MELK: variants seen among roughly 807,000 people sequenced by gnomAD.
The protein encoded by MELK is pEg3 kinase.
Under a neutral mutation model 85.0 loss-of-function variants are expected in MELK, and 81 were observed. The observed-to-expected ratio is 0.95, with a 90% CI of 0.80 to 1.15. The LOEUF is 1.15. Among genes scored for constraint, MELK ranks in the 50% most tolerant of loss-of-function variants. MELK has a pLI of 0.00. For missense variants in MELK, 754 were observed against 777.5 expected, an observed-to-expected ratio of 0.97 and a Z score of 0.36; for synonymous variants, 252 against 265.0, an observed-to-expected ratio of 0.95 and a Z score of 0.48.
intron 2 of MELK, among the ~76,000 whole-genome samples, chr9:36,583,195 G>C (rs982472226): frequency 6.6e-6 from 1 of 151,860 alleles, no homozygotes; most frequent in Non-Finnish European, 1.5e-5. Context: ...GGATGGTCTC[G>C]ATCTCCTGAC....
At chr9:36,588,848 T>C (rs987138182) in intron 3 of MELK, among the ~76,000 whole-genome samples, 1 of 152,198 alleles carries the variant, frequency 6.6e-6, no homozygotes, top group Non-Finnish European at 1.5e-5. Flanking sequence ...TGAATACCCA[T>C]ATACCTTTCA....
intron 3 of MELK, among the ~76,000 whole-genome samples, chr9:36,588,553 A>G (rs567388893): frequency 6.7e-6 from 1 of 148,308 alleles, no homozygotes; most frequent in South Asian, 2.1e-4. Flanking sequence ...CTAATTTTAT[A>G]TTTTTAGTAG....
intron 6 of MELK, among the ~76,000 whole-genome samples, chr9:36,598,662 A>T (rs1824564112): frequency 2.0e-5 from 3 of 152,146 alleles, no homozygotes. Context: ...TTTTCCCTCT[A>T]AGAAAATAGA....
At chr9:36,665,123 C>T (rs954924228) in intron 13 of MELK, among the ~76,000 whole-genome samples, 6 of 152,054 alleles carry the variant, frequency 3.9e-5, no homozygotes, top group Non-Finnish European at 8.8e-5. Context: ...TGTGTATACA[C>T]TCAGCCTGTA....
At chr9:36,586,553 A>T (rs1822923905) in intron 3 of MELK, among the ~76,000 whole-genome samples, 1 of 152,178 alleles carries the variant, frequency 6.6e-6, no homozygotes, top group African/African-American at 2.4e-5. Context: ...TAATCTAAGA[A>T]AAAAGCATTA....
intron 13 of MELK, among the ~76,000 whole-genome samples, chr9:36,662,423 T>C (rs550892141): frequency 3.0e-4 from 46 of 152,202 alleles, no homozygotes; most frequent in Admixed American, 1.9e-3. Context: ...TTTGTATTTT[T>C]AGTAGAGACA....
chr9:36,647,710 A>C (rs1419770364), intron 11 of MELK, among the ~76,000 whole-genome samples: 1 of 151,788 alleles, frequency 6.6e-6, no homozygotes, highest in African/African-American at 2.4e-5. Context: ...GCTGGTCTCG[A>C]TCTCCTAACT....
intron 2 of MELK, 85 bp downstream of exon 2, chr9:36,581,824 C>A: frequency 9.4e-7 from 1 of 1,061,364 alleles, no homozygotes; most frequent in South Asian, 1.5e-5. Context: ...GCTTTTTCGT[C>A]TAACCCACAC....
Position 36,633,092 on chromosome 9 carries a change from T to C in MELK, c.736-10T>C, listed in dbSNP as rs1266087996. ...ATGTTAATCTCTAGCTACTTTTTAATGGCCACTAGGTGGACCCAAAGAAAC... is the reference window on the plus strand; with the variant it reads ...ATGTTAATCTCTAGCTACTTTTTAACGGCCACTAGGTGGACCCAAAGAAAC... On this transcript the variant is annotated splice_polypyrimidine_tract_variant and intron_variant, in intron 9 of 17. Coordinates refer to ENST00000298048, the MANE Select transcript of MELK (RefSeq NM_014791.4). 4 of 1,582,708 alleles carry C rather than the reference T, an allele frequency of 2.5e-6. No individual in the cohort carries two copies. In the Admixed American group the frequency reaches 5.4e-5, roughly 22 times the overall value.
intron 15 of MELK, among the ~76,000 whole-genome samples, chr9:36,670,538 CTACA>C (rs1459102124): frequency 4.6e-5 from 7 of 151,260 alleles, no homozygotes; most frequent in Admixed American, 6.6e-5. Context: ...AATGTATTAT[CTACA>C]TACATTAAAT....
At position 36,651,765 on chromosome 9, in the gene MELK, C is replaced by G. The variant is rs116620621; in HGVS notation, c.941C>G (p.Thr314Arg). The change falls in exon 12 of 18, where the codon ACG becomes AGG. Residue 314 changes from threonine (T) to arginine (R), a missense_variant. Thr to Arg is a moderately conservative substitution (Grantham distance 71). Coordinates refer to ENST00000298048, the MANE Select transcript of MELK (RefSeq NM_014791.4). Reference protein sequence around the residue: ...LISLWQYDHLTATYLLLLAKK... With the variant: ...LISLWQYDHLRATYLLLLAKK... ...CTTTAGTGGCAGTATGATCACCTCA[C>G]GGCTACCTATCTTCTGCTTCTAGCC... 7 of 1,613,750 alleles carry G rather than the reference C, an allele frequency of 4.3e-6. No individual in the cohort carries two copies. The South Asian group carries it at 7.7e-5, about 18-fold the overall frequency.
At chr9:36,579,543 A>C (rs2134881493) in intron 1 of MELK, among the ~76,000 whole-genome samples, 1 of 152,374 alleles carries the variant, frequency 6.6e-6, no homozygotes, top group Middle Eastern at 3.4e-3. Context: ...TGAGGGCAGA[A>C]TCATATTTCT....
chr9:36,597,115 G>A, intron 5 of MELK, 107 bp from the exon 6 acceptor site: 1 of 845,718 alleles, frequency 1.2e-6, no homozygotes. Context: ...GGGATTACAG[G>A]CATGAGCTGC....
At chr9:36,574,250 G>C (rs1821397791) in intron 1 of MELK, among the ~76,000 whole-genome samples, 1 of 151,904 alleles carries the variant, frequency 6.6e-6, no homozygotes, top group Non-Finnish European at 1.5e-5. Context: ...TTGCAAGGGA[G>C]CAGGGCAGGA....
intron 10 of MELK, among the ~76,000 whole-genome samples, chr9:36,633,794 A>G (rs932456564): frequency 3.9e-5 from 6 of 152,236 alleles, no homozygotes; most frequent in African/African-American, 1.4e-4. Flanking sequence ...ACACCTGTAT[A>G]GCCACCTGCT....
chr9:36,595,290 A>C (rs1427224989), intron 5 of MELK, among the ~76,000 whole-genome samples: 3 of 150,842 alleles, frequency 2.0e-5, no homozygotes. Context: ...CGCCTGCCAC[A>C]ACACCCGGCT....
intron 13 of MELK, among the ~76,000 whole-genome samples, chr9:36,661,117 CTG>C: frequency 6.6e-6 from 1 of 152,210 alleles, no homozygotes; most frequent in East Asian, 1.9e-4. Context: ...CCAACCTGTT[CTG>C]CCCCCTCCAG....
chr9:36,633,035 G>A, intron 9 of MELK, 67 bp from the exon 10 acceptor site: 1 of 1,134,190 alleles, frequency 8.8e-7, no homozygotes, highest in Non-Finnish European at 1.3e-6. Flanking sequence ...TTAGTTTTCA[G>A]GAGGAAAGGT....
At chr9:36,666,487 G>A (rs962860432) in intron 14 of MELK, among the ~76,000 whole-genome samples, 3 of 152,256 alleles carry the variant, frequency 2.0e-5, no homozygotes, top group Admixed American at 6.5e-5. Context: ...GAGCCCAAAG[G>A]AATTTTATTT....
Sources: gnomAD v4.1 joint callset for allele counts (sites outside exome capture counted in the v4.1 genomes callset) on GRCh38, gnomAD v4.1.1 for gene constraint, MANE v1.5 for transcripts, NCBI Gene and HGNC (gene_info 2026-07-23, HGNC 2026-07-21) for gene names.